Variants in TENM3 observed in about 807,000 individuals in gnomAD.
TENM3 encodes teneurin-3.
In TENM3, 63 loss-of-function variants were observed where a neutral mutation model predicts 255.1. The observed-to-expected ratio is 0.25, with a 90% confidence interval of 0.20 to 0.30. The LOEUF is 0.30. Ranked by LOEUF, TENM3 falls within the 10% of genes least tolerant of loss-of-function variation. The pLI, the probability that TENM3 is intolerant of heterozygous loss-of-function variation, is 1.00. For missense variants in TENM3, 2,929 were observed against 3,461.1 expected (o/e 0.85, Z 3.86); for synonymous variants, 1,306 against 1,322.3 (o/e 0.99, Z 0.27).
intron 3 of TENM3, among the ~76,000 whole-genome samples, chr4:182,516,610 G>T (rs74630005): frequency 0.021 from 3,229 of 152,276 alleles, 37 homozygotes; most frequent in Middle Eastern, 0.041. Flanking sequence ...TGCCTGTAAG[G>T]CCAGGCGTAA....
At chr4:182,561,153 GACAA>G (rs1012013128) in intron 3 of TENM3, among the ~76,000 whole-genome samples, 10 of 151,830 alleles carry the variant, frequency 6.6e-5, no homozygotes, top group African/African-American at 2.2e-4. Flanking sequence ...TTGAAAAAAA[GACAA>G]ACTAAGACTC....
At chr4:182,371,168 G>A (rs1401031895) in intron 3 of TENM3, among the ~76,000 whole-genome samples, 1 of 150,934 alleles carries the variant, frequency 6.6e-6, no homozygotes, top group African/African-American at 2.4e-5. Context: ...TATTCACTGA[G>A]CTTTTTCCCA....
chr4:181,452,263 G>A, the TENM3 span, among the ~76,000 whole-genome samples: 45 of 152,230 alleles, frequency 3.0e-4, no homozygotes, highest in African/African-American at 1.1e-3. Context: ...AAATTGAAGA[G>A]ATAAATAGGA....
At chr4:182,194,599 G>C (rs1461967359) in intron 1 of TENM3, among the ~76,000 whole-genome samples, 1 of 152,172 alleles carries the variant, frequency 6.6e-6, no homozygotes, top group Admixed American at 6.5e-5. Flanking sequence ...GACAGATTAT[G>C]TGATCTTTTT....
chr4:182,304,139 A>G (rs1006146210), intron 1 of TENM3, among the ~76,000 whole-genome samples: 1 of 152,142 alleles, frequency 6.6e-6, no homozygotes, highest in African/African-American at 2.4e-5. Flanking sequence ...AAAGAAGTCA[A>G]AGAAAATGAG....
At chr4:181,668,832 G>A in the TENM3 span, among the ~76,000 whole-genome samples, 20 of 152,062 alleles carry the variant, frequency 1.3e-4, no homozygotes, top group Non-Finnish European at 2.4e-4. Flanking sequence ...GTCCTGCTCT[G>A]CCTTCTCCTT....
the TENM3 span, among the ~76,000 whole-genome samples, chr4:181,573,008 C>T: frequency 6.6e-6 from 1 of 150,758 alleles, no homozygotes; most frequent in Non-Finnish European, 1.5e-5. Context: ...TCTTCCTATG[C>T]CTAGCTTATT....
At chr4:182,353,672 G>A (rs555997494) in intron 3 of TENM3, among the ~76,000 whole-genome samples, 1 of 152,198 alleles carries the variant, frequency 6.6e-6, no homozygotes, top group African/African-American at 2.4e-5. Flanking sequence ...AGTATAATAA[G>A]TTATGATTTA....
the TENM3 span, among the ~76,000 whole-genome samples, chr4:181,858,431 C>T: frequency 1.3e-5 from 2 of 152,158 alleles, no homozygotes; most frequent in Non-Finnish European, 2.9e-5. Flanking sequence ...AGATGCTGGG[C>T]TAATGCTTTG....
chr4:182,605,288 A>G (rs1259791519), intron 4 of TENM3, among the ~76,000 whole-genome samples: 1 of 152,294 alleles, frequency 6.6e-6, no homozygotes, highest in African/African-American at 2.4e-5. Context: ...ACTAAGGTTG[A>G]CTGACTGATG....
At chr4:181,473,182 A>C in the TENM3 span, among the ~76,000 whole-genome samples, 1 of 152,248 alleles carries the variant, frequency 6.6e-6, no homozygotes, top group Non-Finnish European at 1.5e-5. Context: ...GAATGTAAAA[A>C]TAATCTATGA....
At chr4:181,720,493 C>T in the TENM3 span, among the ~76,000 whole-genome samples, 1 of 152,108 alleles carries the variant, frequency 6.6e-6, no homozygotes, top group Non-Finnish European at 1.5e-5. Flanking sequence ...AGTATTTATA[C>T]AGGGCATTCA....
At chr4:181,628,211 TC>T in the TENM3 span, among the ~76,000 whole-genome samples, 10,059 of 152,270 alleles carry the variant, frequency 0.066, 443 homozygotes, top group East Asian at 0.15. Context: ...TTGTTTGAGT[TC>T]TTTGTAGATT....
the TENM3 span, among the ~76,000 whole-genome samples, chr4:181,504,378 A>G: frequency 6.6e-6 from 1 of 152,268 alleles, no homozygotes; most frequent in South Asian, 2.1e-4. Context: ...AGCTCCCAAG[A>G]GCAGGCTCCT....
At chr4:182,365,409 G>A (rs965732645) in intron 3 of TENM3, among the ~76,000 whole-genome samples, 1 of 152,158 alleles carries the variant, frequency 6.6e-6, no homozygotes, top group Admixed American at 6.5e-5. Flanking sequence ...CCTTACAAGT[G>A]GGCCTTCTGC....
At chr4:182,112,006 C>G in the TENM3 span, among the ~76,000 whole-genome samples, 4 of 152,114 alleles carry the variant, frequency 2.6e-5, no homozygotes, top group African/African-American at 7.2e-5. Context: ...TAAAAAATTA[C>G]TGGCTGGAAA....
the TENM3 span, among the ~76,000 whole-genome samples, chr4:181,561,747 A>G: frequency 6.6e-6 from 1 of 152,218 alleles, no homozygotes; most frequent in South Asian, 2.1e-4. Context: ...TATGGATAAC[A>G]CTGATGTGAG....
At chr4:182,532,736 C>T (rs1406647988) in intron 3 of TENM3, among the ~76,000 whole-genome samples, 1 of 152,154 alleles carries the variant, frequency 6.6e-6, no homozygotes, top group Non-Finnish European at 1.5e-5. Context: ...TTGACTACCT[C>T]CTTACTATTA....
chr4:181,640,247 A>G, the TENM3 span, among the ~76,000 whole-genome samples: 1 of 152,216 alleles, frequency 6.6e-6, no homozygotes, highest in Non-Finnish European at 1.5e-5. Context: ...AGAATGCAGT[A>G]ATCTGTGCAT....
Sources: gnomAD v4.1 joint callset for allele counts (sites outside exome capture counted in the v4.1 genomes callset) on GRCh38, gnomAD v4.1.1 for gene constraint, MANE v1.5 for transcripts, NCBI Gene and HGNC (gene_info 2026-07-23, HGNC 2026-07-21) for gene names.